Variants in VEGFD observed in about 807,000 individuals in gnomAD.
The protein encoded by VEGFD is vascular endothelial growth factor D.
A neutral mutation model predicts 28.0 loss-of-function variants in VEGFD; 26 were observed. The observed-to-expected ratio is 0.93, with a 90% CI of 0.68 to 1.29. The LOEUF is 1.29. Ranked by LOEUF, VEGFD falls within the 50% of genes most tolerant of loss-of-function variation. The pLI, the probability that VEGFD is intolerant of heterozygous loss-of-function variation, is 0.00. For missense variants in VEGFD, 294 were observed against 273.4 expected (o/e 1.08, Z -0.53); for synonymous variants, 93 against 95.5 (o/e 0.97, Z 0.15).
At position 15,353,162 on chromosome X, in the gene VEGFD, G is replaced by A; in HGVS notation, c.648C>T (p.Ser216=). The part of the protein sequence containing the change: ...SIQIPEEDRC[S]HSKKLCPIDM... The stretch of plus-strand genomic sequence containing the variant: ...CAATAGGACAGAGTTTCTTGGAATG[G>A]GAACAGCTAGGAAAAGAAAACAATG... Residue 216 remains serine (S), a synonymous_variant, in exon 5 of 7, where the codon TCC becomes TCT. Coordinates refer to ENST00000297904, the MANE Select transcript of VEGFD (RefSeq NM_004469.5). The A allele has an allele frequency of 9.2e-7, 1 of 1,087,183 alleles. No individual in the cohort carries two copies. Among genetic ancestry groups the A allele is most frequent in the Non-Finnish European group, 1.2e-6 (1 of 803,061 alleles). 89.6% of individuals were successfully genotyped at this position (1,087,183 alleles called of 1,213,427 possible). A position where few individuals can be genotyped will look rare whatever the true frequency, so the allele number is the denominator to read the frequency against.
intron 2 of VEGFD, among the ~76,000 whole-genome samples, chrX:15,361,851 TTTTTG>T (rs914486336): frequency 3.6e-5 from 4 of 111,013 alleles, no homozygotes; most frequent in African/African-American, 6.6e-5. Flanking sequence ...TTTCTTTGTT[TTTTTG>T]TTTTGTTTTG....
At position 15,373,787 on chromosome X, in the gene VEGFD, T is replaced by A. The variant is rs749160255; in HGVS notation, c.90+10070A>T. Among the ~76,000 whole-genome samples the A allele has an allele frequency of 1.2e-3, 131 of 111,591 alleles. 1 individual carries two copies. Among genetic ancestry groups the A allele is most frequent in the African/African-American group, 4.0e-3 (123 of 30,720 alleles). On this transcript the variant is annotated intron_variant, in intron 1 of 6. Coordinates refer to ENST00000297904, the MANE Select transcript of VEGFD (RefSeq NM_004469.5). ...TTCCCTCTACCTCTTAGCAGCTTCT[T>A]CTGTTTCACTGGAAGAGCATTTTGC...
chrX:15,355,157 C>A lies in VEGFD; in HGVS notation c.634G>T (p.Glu212Ter). The change falls in exon 4 of 7, where the codon GAA (glutamate) becomes TAA (stop). Residue 212 changes from glutamate (E) to a stop codon, truncating the protein, a stop_gained. Coordinates refer to ENST00000297904, the MANE Select transcript of VEGFD (RefSeq NM_004469.5). LOFTEE classifies it high-confidence loss of function. ...AAAAACAAAAGTGCTTACCGATCTTCTTCAGGGATCTGGATGGATCTTCTG... is the reference window on the plus strand; with the variant it reads ...AAAAACAAAAGTGCTTACCGATCTTATTCAGGGATCTGGATGGATCTTCTG... The part of the protein sequence containing the change: ...IIRRSIQIPE[E>*]DRCSHSKKLC... 8.5e-7 allele frequency: 1 copy of A among 1,173,893 alleles called. No individual in the cohort carries two copies. The highest frequency in any genetic ancestry group is 2.0e-5 in the South Asian group (1 of 49,288).
intron 6 of VEGFD, 87 bp downstream of exon 6, chrX:15,347,077 A>T: frequency 1.1e-6 from 1 of 929,555 alleles, no homozygotes; most frequent in East Asian, 3.1e-5. Flanking sequence ...CAAGGGGAAA[A>T]ATTAGCTTAC....
At chrX:15,370,703 T>G (rs926202217) in intron 1 of VEGFD, among the ~76,000 whole-genome samples, 1 of 112,204 alleles carries the variant, frequency 8.9e-6, no homozygotes, top group Non-Finnish European at 1.9e-5. Flanking sequence ...AAACTTAATG[T>G]GCATACCTGG....
intron 1 of VEGFD, among the ~76,000 whole-genome samples, chrX:15,375,689 G>A (rs753800582): frequency 4.5e-5 from 5 of 111,979 alleles, no homozygotes; most frequent in Non-Finnish European, 7.5e-5. Context: ...TACAAATGCA[G>A]GAAAAGAGTG....
At chrX:15,354,710 G>A (rs1569184080) in intron 4 of VEGFD, among the ~76,000 whole-genome samples, 1 of 111,436 alleles carries the variant, frequency 9.0e-6, no homozygotes, top group East Asian at 2.8e-4. Context: ...TTAGAAAGTT[G>A]CAAAACTCAC....
chrX:15,359,467 G>T (rs764176039), intron 2 of VEGFD, among the ~76,000 whole-genome samples: 1 of 101,839 alleles, frequency 9.8e-6, no homozygotes, highest in African/African-American at 3.6e-5. Flanking sequence ...ACGGTGGTTT[G>T]CTGCACCCGT....
Position 15,346,189 on chromosome X carries a change from G to A in VEGFD, c.1009C>T (p.Arg337Cys), listed in dbSNP as rs766709138. 2.6e-5 allele frequency: 31 copies of A among 1,209,251 alleles called. No individual in the cohort carries two copies. Among genetic ancestry groups the A allele is most frequent in the Non-Finnish European group, 3.2e-5 (29 of 894,230 alleles). ...GCAGCCCTTTTCTCCTTTGGAAAGCGGCAATGCTTTGCACATGCTGTTTTG... is the reference window on the plus strand; with the variant it reads ...GCAGCCCTTTTCTCCTTTGGAAAGCAGCAATGCTTTGCACATGCTGTTTTG... Reference protein sequence around the residue: ...SGKTACAKHCRFPKEKRAAQG... With the variant: ...SGKTACAKHCCFPKEKRAAQG... Residue 337 changes from arginine (R) to cysteine (C), a missense_variant, in exon 7 of 7, where the codon CGC (arginine) becomes TGC (cysteine). Transcript: ENST00000297904.
intron 1 of VEGFD, among the ~76,000 whole-genome samples, chrX:15,377,885 G>T (rs1475905859): frequency 9.0e-6 from 1 of 111,579 alleles, no homozygotes; most frequent in Non-Finnish European, 1.9e-5. Context: ...CTGGTCATGT[G>T]GTATAAGCAA....
chrX:15,369,121 A>G lies in VEGFD; in HGVS notation c.91-5802T>C, dbSNP rs921061082. 5.9e-4 allele frequency among the ~76,000 whole-genome samples: 66 copies of G among 111,517 alleles called. 1 individual carries two copies. The highest frequency in any genetic ancestry group is 9.2e-3 in the Middle Eastern group (2 of 218). On this transcript the variant is annotated intron_variant, in intron 1 of 6. Transcript: ENST00000297904. ...AGCTTCCTAAGTATTAATTTAGGTCACGGGTGACCAAGATGGCAGGCAAGA... is the reference window on the plus strand; with the variant it reads ...AGCTTCCTAAGTATTAATTTAGGTCGCGGGTGACCAAGATGGCAGGCAAGA...
Position 15,384,073 on chromosome X carries a change from A to C in VEGFD, c.-127T>G. ...AAAACTTCACACAGAAAACCAAATAATCAGTTCTGATCAAAATCCAATGAA... is the reference window on the plus strand; with the variant it reads ...AAAACTTCACACAGAAAACCAAATACTCAGTTCTGATCAAAATCCAATGAA... On this transcript the variant is annotated 5_prime_UTR_variant, in exon 1 of 7. Coordinates refer to ENST00000297904, the MANE Select transcript of VEGFD (RefSeq NM_004469.5). The C allele has an allele frequency of 4.5e-6, 2 of 447,889 alleles. No individual in the cohort carries two copies. The highest frequency in any genetic ancestry group is 3.9e-6 in the Non-Finnish European group (1 of 254,099). 36.9% of individuals were successfully genotyped at this position (447,889 alleles called of 1,213,427 possible).
intron 1 of VEGFD, among the ~76,000 whole-genome samples, chrX:15,371,438 T>C (rs757557959): frequency 1.8e-5 from 2 of 112,560 alleles, no homozygotes; most frequent in Non-Finnish European, 3.7e-5. Context: ...AATTTTCTTT[T>C]TTCTTTCTAG....
intron 5 of VEGFD, among the ~76,000 whole-genome samples, chrX:15,348,773 C>T (rs1006344230): frequency 3.6e-5 from 4 of 112,219 alleles, no homozygotes; most frequent in Non-Finnish European, 7.5e-5. Context: ...TTGTATGTTT[C>T]CCCCATTAAG....
chrX:15,376,147 A>C (rs1403505540), intron 1 of VEGFD, among the ~76,000 whole-genome samples: 1 of 111,264 alleles, frequency 9.0e-6, no homozygotes, highest in Admixed American at 9.6e-5. Context: ...AAACATTTTC[A>C]TTTCCACTCC....
chrX:15,369,371 G>T (rs180963348), intron 1 of VEGFD, among the ~76,000 whole-genome samples: 2 of 110,793 alleles, frequency 1.8e-5, no homozygotes, highest in Middle Eastern at 4.6e-3. Flanking sequence ...AACAGCAAGG[G>T]GTTCACTTTG....
intron 1 of VEGFD, among the ~76,000 whole-genome samples, chrX:15,368,027 A>AAAGAAAGAAAGAAAGG (rs1346653041): frequency 1.1e-4 from 9 of 83,083 alleles, no homozygotes; most frequent in East Asian, 3.4e-4. Context: ...AGAAAGAAAG[A>AAAGAAAGAAAGAAAGG]AAGGAAAGAA....
intron 1 of VEGFD, among the ~76,000 whole-genome samples, chrX:15,376,133 T>A (rs1322708158): frequency 8.9e-6 from 1 of 111,904 alleles, no homozygotes; most frequent in East Asian, 2.8e-4. Context: ...TAGGCTATTG[T>A]TAAAAACATT....
intron 1 of VEGFD, among the ~76,000 whole-genome samples, chrX:15,372,075 T>C (rs367959324): frequency 3.6e-5 from 4 of 111,707 alleles, no homozygotes; most frequent in African/African-American, 1.3e-4. Flanking sequence ...CTTAAAAAGA[T>C]TTACACCTAT....
Sources: allele counts gnomAD v4.1 joint callset (sites outside exome capture counted in the v4.1 genomes callset), GRCh38; gene constraint gnomAD v4.1.1; transcripts MANE v1.5; gene names NCBI Gene and HGNC (gene_info 2026-07-23, HGNC 2026-07-21).